Variants in NBAS observed in about 807,000 individuals in gnomAD.
The protein encoded by NBAS is NBAS subunit of NRZ tethering complex.
Under a neutral mutation model 302.5 loss-of-function variants are expected in NBAS, and 219 were observed. That is an observed-to-expected ratio of 0.72 (90% CI 0.65 to 0.81). NBAS has a LOEUF of 0.81. Ranked by LOEUF, NBAS falls within the 30% of genes least tolerant of loss-of-function variation. NBAS has a pLI of 0.00. For missense variants in NBAS, 2,932 were observed against 2,841.6 expected, an observed-to-expected ratio of 1.03 and a Z score of -0.72; for synonymous variants, 1,118 against 1,021.6, an observed-to-expected ratio of 1.09 and a Z score of -1.80.
intron 31 of NBAS, among the ~76,000 whole-genome samples, chr2:15,368,693 T>C (rs1674339786): frequency 6.6e-6 from 1 of 152,212 alleles, no homozygotes; most frequent in Non-Finnish European, 1.5e-5. Context: ...ACTATTCATA[T>C]CCCAAATTCC....
the NBAS span, among the ~76,000 whole-genome samples, chr2:14,948,592 A>G: frequency 6.6e-6 from 1 of 152,064 alleles, no homozygotes; most frequent in Admixed American, 6.5e-5. Context: ...GATGAAGAGG[A>G]TATTAAAAAA....
chr2:14,792,712 A>T, the NBAS span, among the ~76,000 whole-genome samples: 2 of 152,156 alleles, frequency 1.3e-5, no homozygotes, highest in Non-Finnish European at 2.9e-5. Context: ...AGAGTCCCCA[A>T]ACATAATAGA....
chr2:15,042,655 C>T, the NBAS span, among the ~76,000 whole-genome samples: 1 of 152,186 alleles, frequency 6.6e-6, no homozygotes, highest in Admixed American at 6.5e-5. Context: ...GCTGTGAAGA[C>T]ACTCTGCCCC....
the NBAS span, among the ~76,000 whole-genome samples, chr2:15,143,485 T>C: frequency 6.6e-6 from 1 of 152,072 alleles, no homozygotes; most frequent in African/African-American, 2.4e-5. Flanking sequence ...ACAAACAACT[T>C]AGAAACAAGG....
At chr2:15,495,792 T>A (rs1007540861) in intron 11 of NBAS, among the ~76,000 whole-genome samples, 1 of 152,070 alleles carries the variant, frequency 6.6e-6, no homozygotes, top group African/African-American at 2.4e-5. Context: ...ATAACAAGTG[T>A]TGGCATGGAT....
intron 25 of NBAS, among the ~76,000 whole-genome samples, chr2:15,411,807 A>C (rs112059514): frequency 2.0e-5 from 3 of 152,196 alleles, no homozygotes; most frequent in Non-Finnish European, 4.4e-5. Context: ...ATCTGGATTG[A>C]GCATAGAAAA....
Position 15,219,837 on chromosome 2 carries a change from G to A in NBAS, c.6237-869C>T, listed in dbSNP as rs1182822996. Among the ~76,000 whole-genome samples, 177 of 144,404 alleles carry A rather than the reference G, an allele frequency of 1.2e-3. 1 individual carries two copies. Among genetic ancestry groups the A allele is most frequent in the African/African-American group, 4.3e-3 (167 of 38,890 alleles). 94.7% of individuals were successfully genotyped at this position (144,404 alleles called of 152,430 possible). A position where few individuals can be genotyped will look rare whatever the true frequency, so the allele number is the denominator to read the frequency against. On this transcript the variant is annotated intron_variant, in intron 47 of 51. Transcript: ENST00000281513. ...CATGGCCCATCCCCAATGAGCCGCT[G>A]GGCACACCTCCCAGACGGGGTCGTG...
At chr2:15,296,543 AC>A (rs1419552685) in intron 40 of NBAS, among the ~76,000 whole-genome samples, 14 of 90,290 alleles carry the variant, frequency 1.6e-4, no homozygotes, top group Middle Eastern at 5.5e-3. Flanking sequence ...ACAAAACAAA[AC>A]AAAAAAAAAA....
chr2:15,488,645 T>C (rs1449526805), intron 12 of NBAS, among the ~76,000 whole-genome samples: 1 of 151,876 alleles, frequency 6.6e-6, no homozygotes, highest in African/African-American at 2.4e-5. Context: ...AAATGAAGAG[T>C]TTAACAAACT....
chr2:15,289,660 G>C (rs1274840490), intron 41 of NBAS, among the ~76,000 whole-genome samples: 2 of 152,148 alleles, frequency 1.3e-5, no homozygotes, highest in East Asian at 3.9e-4. Context: ...CATACAGATA[G>C]TAAAGGACAG....
chr2:15,330,800 T>C (rs1000136283), intron 35 of NBAS, 35 bp from the exon 36 acceptor site: 16 of 1,607,360 alleles, frequency 1.0e-5, no homozygotes, highest in Non-Finnish European at 1.3e-5. Context: ...AGGGCAAAAA[T>C]GCATTACCAT....
At chr2:14,798,520 T>G in the NBAS span, among the ~76,000 whole-genome samples, 7 of 152,182 alleles carry the variant, frequency 4.6e-5, no homozygotes, top group African/African-American at 1.7e-4. Flanking sequence ...CATTCATAAG[T>G]GCTATTGGTC....
At chr2:15,183,637 T>C (rs951809190) in intron 50 of NBAS, among the ~76,000 whole-genome samples, 1 of 152,318 alleles carries the variant, frequency 6.6e-6, no homozygotes, top group Admixed American at 6.5e-5. Flanking sequence ...TCCAGAGAGT[T>C]TGGGGCTTTT....
the NBAS span, among the ~76,000 whole-genome samples, chr2:15,062,446 C>A: frequency 1.3e-5 from 2 of 152,140 alleles, no homozygotes; most frequent in Non-Finnish European, 2.9e-5. Flanking sequence ...CAGCATGATC[C>A]TTTTATGTGC....
intron 47 of NBAS, among the ~76,000 whole-genome samples, chr2:15,229,347 C>CAAA (rs61152926): frequency 4.7e-4 from 36 of 76,918 alleles, no homozygotes; most frequent in South Asian, 9.7e-4. Context: ...TCTCAAAAAA[C>CAAA]AAAAAAAAAA....
intron 21 of NBAS, among the ~76,000 whole-genome samples, chr2:15,443,946 G>A (rs1228967526): frequency 6.6e-6 from 1 of 151,812 alleles, no homozygotes; most frequent in Non-Finnish European, 1.5e-5. Flanking sequence ...CAACTTACAA[G>A]GGATGTGAAG....
At chr2:15,260,426 G>C (rs745474735) in intron 44 of NBAS, among the ~76,000 whole-genome samples, 7 of 152,164 alleles carry the variant, frequency 4.6e-5, no homozygotes, top group Non-Finnish European at 8.8e-5. Flanking sequence ...TATCTTGCAT[G>C]AGCATTTCCT....
chr2:15,309,748 A>T (rs1170574420), intron 38 of NBAS, among the ~76,000 whole-genome samples: 2 of 152,236 alleles, frequency 1.3e-5, no homozygotes, highest in African/African-American at 4.8e-5. Flanking sequence ...GCTCCACAAA[A>T]AGAAAATCAG....
chr2:15,512,195 G>C (rs2148649831), intron 9 of NBAS, among the ~76,000 whole-genome samples: 1 of 152,254 alleles, frequency 6.6e-6, no homozygotes, highest in African/African-American at 2.4e-5. Context: ...AAGTTATTTA[G>C]AGTTGGCATA....
Sources: allele counts gnomAD v4.1 joint callset (sites outside exome capture counted in the v4.1 genomes callset), GRCh38; gene constraint gnomAD v4.1.1; transcripts MANE v1.5; gene names NCBI Gene and HGNC (gene_info 2026-07-23, HGNC 2026-07-21).